The following DYNC2H1 variants were observed in gnomAD, a reference collection of about 807,000 sequenced individuals.
DYNC2H1 encodes cytoplasmic dynein 2 heavy chain 1.
DYNC2H1 carries 410 observed loss-of-function variants against 570.0 expected under a neutral mutation model. That is an observed-to-expected ratio of 0.72 (90% confidence interval 0.66 to 0.78). The LOEUF (loss-of-function observed/expected upper bound fraction) is 0.78, where lower values mean the gene tolerates loss of function less well. DYNC2H1 is among the 30% of genes least tolerant of loss of function. The pLI is 0.00. For missense variants in DYNC2H1, 4,865 were observed against 5,046.4 expected (o/e 0.96, Z 1.09); for synonymous variants, 1,688 against 1,677.6 (o/e 1.01, Z -0.15).
In DYNC2H1 at chr11:103,412,207, T is replaced by C. The variant is rs74824256; in HGVS notation, c.12366+12335T>C. Among the ~76,000 whole-genome samples the C allele has an allele frequency of 5.0e-3, 755 of 152,282 alleles. 4 individuals are homozygous for C. The highest frequency in any genetic ancestry group is 0.017 in the African/African-American group (724 of 41,574). Reference sequence around the variant, plus strand: ...CAAGTTATGTATGATGCCATACGATTTAATGTGCTTTAGGAAAGAGTTCAG... The same window carrying C: ...CAAGTTATGTATGATGCCATACGATCTAATGTGCTTTAGGAAAGAGTTCAG... On this transcript the variant is annotated intron_variant, in intron 84 of 88. Coordinates refer to ENST00000375735, the MANE Select transcript of DYNC2H1 (RefSeq NM_001377.3).
chr11:103,396,016 C>T (rs1543114), intron 83 of DYNC2H1, among the ~76,000 whole-genome samples: 49,323 of 151,982 alleles, frequency 0.32, 8,117 homozygotes, highest in African/African-American at 0.38. Context: ...GACTGTTCAT[C>T]GAGTCTTTTG....
At chr11:103,354,082 C>G (rs1287351066) in intron 82 of DYNC2H1, among the ~76,000 whole-genome samples, 1 of 148,574 alleles carries the variant, frequency 6.7e-6, no homozygotes, top group Non-Finnish European at 1.5e-5. Context: ...GAGGCTGAGG[C>G]AGGAGAATCA....
In DYNC2H1 at chr11:103,253,600, G is replaced by A. The variant is rs72971585; in HGVS notation, c.10206+152G>A. On this transcript the variant is annotated intron_variant, in intron 66 of 88. Coordinates refer to ENST00000375735, the MANE Select transcript of DYNC2H1 (RefSeq NM_001377.3). The stretch of plus-strand genomic sequence containing the variant: ...CTTGTATGTTGGAGTGAAGCATTCT[G>A]GCTTATTTCATTTATCATATGTATT... Among the ~76,000 whole-genome samples the A allele has an allele frequency of 8.6e-3, 1,312 of 152,090 alleles. 5 individuals carry two copies. Among genetic ancestry groups the A allele is most frequent in the Admixed American group, 0.011 (162 of 15,272 alleles).
chr11:103,300,776 G>C (rs1194676126), intron 75 of DYNC2H1, among the ~76,000 whole-genome samples: 1 of 151,866 alleles, frequency 6.6e-6, no homozygotes, highest in Admixed American at 6.6e-5. Context: ...TATGATTCTT[G>C]CCCTCATGAA....
rs772937988 is a variant in DYNC2H1 at position 103,153,521 on chromosome 11, T to C, written c.3302+13T>C. Reference sequence around the variant, plus strand: ...GAAAAAAGCTGGTGTATGTTTTTTCTTTAAAATTGATAGTGCTTATTTTGA... The same window carrying C: ...GAAAAAAGCTGGTGTATGTTTTTTCCTTAAAATTGATAGTGCTTATTTTGA... On this transcript the variant is annotated intron_variant, in intron 22 of 88. Transcript: ENST00000375735. The C allele has an allele frequency of 3.2e-6, 5 of 1,543,978 alleles. No homozygotes were observed. The highest frequency in any genetic ancestry group is 4.4e-6 in the Non-Finnish European group (5 of 1,147,234).
At chr11:103,179,919 TATC>T (rs756549126) in intron 39 of DYNC2H1, among the ~76,000 whole-genome samples, 6 of 151,770 alleles carry the variant, frequency 4.0e-5, no homozygotes, top group Non-Finnish European at 8.9e-5. Context: ...AATTTTTATT[TATC>T]ATACTGTAGC....
chr11:103,114,477 G>A (rs757792687), intron 3 of DYNC2H1, among the ~76,000 whole-genome samples: 8 of 152,038 alleles, frequency 5.3e-5, no homozygotes, highest in Non-Finnish European at 8.8e-5. Context: ...ACCACTATCC[G>A]CTGGCTAATT....
intron 60 of DYNC2H1, among the ~76,000 whole-genome samples, chr11:103,232,334 G>A (rs979360317): frequency 6.6e-6 from 1 of 151,596 alleles, no homozygotes; most frequent in East Asian, 1.9e-4. Context: ...AGTCTTTTTT[G>A]TCTGAAGTTG....
chr11:103,262,244 C>T (rs1465297028), intron 70 of DYNC2H1, among the ~76,000 whole-genome samples: 4 of 152,084 alleles, frequency 2.6e-5, no homozygotes, highest in Admixed American at 1.3e-4. Flanking sequence ...CTGAAAGTGA[C>T]GGGGAGAATG....
chr11:103,469,137 G>A lies in DYNC2H1; in HGVS notation c.12765+432G>A, dbSNP rs904893368. On this transcript the variant is annotated intron_variant, in intron 88 of 88. Coordinates refer to ENST00000375735, the MANE Select transcript of DYNC2H1 (RefSeq NM_001377.3). The stretch of plus-strand genomic sequence containing the variant: ...GCTCACGCAGGTTAAATGACTTCTC[G>A]TAGTTAGCTACACAGAAAGTGATAG... Among the ~76,000 whole-genome samples, 33 of 152,166 alleles carry A rather than the reference G, an allele frequency of 2.2e-4. 1 individual carries two copies. The highest frequency in any genetic ancestry group is 2.0e-3 in the Admixed American group (31 of 15,280).
intron 83 of DYNC2H1, among the ~76,000 whole-genome samples, chr11:103,378,785 A>C (rs1941509691): frequency 6.6e-6 from 1 of 152,196 alleles, no homozygotes; most frequent in Non-Finnish European, 1.5e-5. Context: ...GCTGCAGATC[A>C]ATTTTTAGCT....
intron 84 of DYNC2H1, among the ~76,000 whole-genome samples, chr11:103,415,795 A>G (rs1943259128): frequency 6.6e-6 from 1 of 152,236 alleles, no homozygotes; most frequent in Admixed American, 6.5e-5. Flanking sequence ...CCATCCCATT[A>G]CTGGGTATAT....
chr11:103,161,297 T>C (rs1354747544), intron 29 of DYNC2H1, among the ~76,000 whole-genome samples: 3 of 152,170 alleles, frequency 2.0e-5, no homozygotes, highest in Non-Finnish European at 2.9e-5. Flanking sequence ...TAAAAAATCT[T>C]AGATATTAAT....
At chr11:103,392,562 G>A (rs1024995442) in intron 83 of DYNC2H1, among the ~76,000 whole-genome samples, 2 of 152,282 alleles carry the variant, frequency 1.3e-5, no homozygotes, top group African/African-American at 2.4e-5. Context: ...GAAATCTTTC[G>A]TCTTCTGCGT....
chr11:103,133,079 T>C lies in DYNC2H1; in HGVS notation c.1954-476T>C, dbSNP rs186878593. ...CATTAGAAAGGGGTGATTTTCTCCTTGGTGTTAAGCTACAATAGGATGTGT... is the reference window on the plus strand; with the variant it reads ...CATTAGAAAGGGGTGATTTTCTCCTCGGTGTTAAGCTACAATAGGATGTGT... On this transcript the variant is annotated intron_variant, in intron 13 of 88. Coordinates refer to ENST00000375735, the MANE Select transcript of DYNC2H1 (RefSeq NM_001377.3). This position sits in a 1 kb window ranked among gnomAD's most constrained non-coding sequence, Gnocchi z 4.8. 1.2e-4 allele frequency among the ~76,000 whole-genome samples: 18 copies of C among 152,252 alleles called. No homozygotes were observed. The highest frequency in any genetic ancestry group is 3.4e-4 in the African/African-American group (14 of 41,550).
chr11:103,188,300 A>T (rs1396005039), intron 43 of DYNC2H1, among the ~76,000 whole-genome samples, 197 bp from the exon 44 acceptor site: 3 of 152,062 alleles, frequency 2.0e-5, no homozygotes, highest in Non-Finnish European at 2.9e-5. Flanking sequence ...TTTAGCTAAC[A>T]TTCATAGAAC....
At chr11:103,383,049 G>T (rs928726893) in intron 83 of DYNC2H1, among the ~76,000 whole-genome samples, 2 of 152,172 alleles carry the variant, frequency 1.3e-5, no homozygotes, top group African/African-American at 2.4e-5. Flanking sequence ...ACCCCTCGGA[G>T]CCAGACTTAG....
chr11:103,213,211 G>A (rs1024081954), intron 54 of DYNC2H1, among the ~76,000 whole-genome samples: 3 of 152,040 alleles, frequency 2.0e-5, no homozygotes, highest in South Asian at 2.1e-4. Context: ...AACCATATGT[G>A]AGAAAGTCTC....
At chr11:103,131,111 C>A (rs557384767) in intron 13 of DYNC2H1, among the ~76,000 whole-genome samples, 2 of 152,210 alleles carry the variant, frequency 1.3e-5, no homozygotes, top group South Asian at 4.1e-4. Context: ...AGTATAGAAA[C>A]TTTTCTTCTA....
Sources: gnomAD v4.1 joint callset for allele counts (sites outside exome capture counted in the v4.1 genomes callset) on GRCh38, gnomAD v4.1.1 for gene constraint, Gnocchi (gnomAD v3.1) non-coding constraint, MANE v1.5 for transcripts, NCBI Gene and HGNC (gene_info 2026-07-23, HGNC 2026-07-21) for gene names.